SMYD3: variants seen among roughly 807,000 people sequenced by gnomAD.
The protein encoded by SMYD3 is SET and MYND domain containing 3.
Under a neutral mutation model 57.7 loss-of-function variants are expected in SMYD3, and 36 were observed. The observed-to-expected ratio is 0.62, with a 90% CI of 0.48 to 0.82. The LOEUF (loss-of-function observed/expected upper bound fraction) is 0.82. Among genes scored for constraint, SMYD3 ranks in the 40% least tolerant of loss-of-function variants. The pLI is 0.00. For synonymous variants in SMYD3, 211 were observed against 195.0 expected, an observed-to-expected ratio of 1.08 and a Z score of -0.68; for missense variants, 515 against 538.8, an observed-to-expected ratio of 0.96 and a Z score of 0.44.
At chr1:245,999,242 A>T (rs953651060) in intron 5 of SMYD3, among the ~76,000 whole-genome samples, 4 of 152,164 alleles carry the variant, frequency 2.6e-5, no homozygotes, top group African/African-American at 9.7e-5. Flanking sequence ...AAAAAATAAG[A>T]GCTTAAGAAA....
chr1:246,465,832 G>A (rs2067873888), intron 1 of SMYD3, among the ~76,000 whole-genome samples: 4 of 152,162 alleles, frequency 2.6e-5, no homozygotes, highest in Admixed American at 2.6e-4. Context: ...GAGTGCAGTG[G>A]CACAATCTCA....
intron 10 of SMYD3, among the ~76,000 whole-genome samples, chr1:245,817,495 C>T (rs1268838427): frequency 6.6e-6 from 1 of 152,042 alleles, no homozygotes. Context: ...AGCACCTCTC[C>T]TCCTCCAAAG....
At chr1:246,048,064 T>C (rs2060001664) in intron 5 of SMYD3, among the ~76,000 whole-genome samples, 2 of 152,006 alleles carry the variant, frequency 1.3e-5, no homozygotes, top group African/African-American at 2.4e-5. Flanking sequence ...AGAACACCTA[T>C]AAATCGATAA....
chr1:246,300,485 A>G (rs748382723), intron 5 of SMYD3, among the ~76,000 whole-genome samples: 23 of 152,164 alleles, frequency 1.5e-4, no homozygotes, highest in African/African-American at 3.6e-4. Context: ...GCGGCCAGCA[A>G]TGTTTAAAGT....
At chr1:245,799,040 C>A (rs571705754) in intron 10 of SMYD3, among the ~76,000 whole-genome samples, 19 of 152,202 alleles carry the variant, frequency 1.2e-4, no homozygotes, top group Admixed American at 5.2e-4. Context: ...ATACTCTTCA[C>A]AGAACAAGCT....
At chr1:246,093,939 T>A (rs2060867526) in intron 5 of SMYD3, among the ~76,000 whole-genome samples, 1 of 152,088 alleles carries the variant, frequency 6.6e-6, no homozygotes, top group African/African-American at 2.4e-5. Flanking sequence ...CCATACAAAT[T>A]CCTGGTTTAC....
intron 1 of SMYD3, among the ~76,000 whole-genome samples, chr1:246,411,552 A>G (rs1165898857): frequency 6.6e-6 from 1 of 152,200 alleles, no homozygotes; most frequent in Non-Finnish European, 1.5e-5. Context: ...ACTATTCACA[A>G]TAGCAAAGAC....
chr1:246,125,105 C>CACACACAT (rs2061491272), intron 5 of SMYD3, among the ~76,000 whole-genome samples: 1 of 149,630 alleles, frequency 6.7e-6, no homozygotes, highest in East Asian at 1.9e-4. Context: ...CACACACACA[C>CACACACAT]ATCTGGAATT....
intron 5 of SMYD3, among the ~76,000 whole-genome samples, chr1:246,268,218 G>A (rs2064148765): frequency 6.6e-6 from 1 of 152,158 alleles, no homozygotes; most frequent in African/African-American, 2.4e-5. Context: ...GATAAAACAG[G>A]TTGTAAAGAA....
At chr1:245,890,752 C>T (rs1052682339) in intron 8 of SMYD3, among the ~76,000 whole-genome samples, 5 of 152,184 alleles carry the variant, frequency 3.3e-5, no homozygotes, top group African/African-American at 4.8e-5. Flanking sequence ...ATCAGTATAT[C>T]GAAGAGGTAT....
intron 5 of SMYD3, among the ~76,000 whole-genome samples, chr1:245,988,714 C>T (rs2058752725): frequency 6.6e-6 from 1 of 152,210 alleles, no homozygotes; most frequent in Non-Finnish European, 1.5e-5. Context: ...AGGCAGGGAC[C>T]AGAGCCCAGG....
chr1:246,498,592 G>A (rs896207532), intron 1 of SMYD3, among the ~76,000 whole-genome samples: 10 of 151,978 alleles, frequency 6.6e-5, no homozygotes, highest in East Asian at 1.9e-4. Context: ...TTAGCCAGGC[G>A]TGATGGCGGG....
At chr1:246,409,614 C>T (rs1174551709) in intron 1 of SMYD3, among the ~76,000 whole-genome samples, 1 of 152,170 alleles carries the variant, frequency 6.6e-6, no homozygotes, top group Non-Finnish European at 1.5e-5. Flanking sequence ...TAGCCTGATG[C>T]CTCCAGCTTT....
At chr1:246,218,732 T>G (rs2063206361) in intron 5 of SMYD3, among the ~76,000 whole-genome samples, 1 of 152,086 alleles carries the variant, frequency 6.6e-6, no homozygotes, top group Admixed American at 6.5e-5. Flanking sequence ...TTTGTGTGTG[T>G]TCAATAAAAA....
intron 1 of SMYD3, among the ~76,000 whole-genome samples, chr1:246,458,764 C>T (rs944054220): frequency 4.0e-5 from 6 of 151,830 alleles, no homozygotes; most frequent in African/African-American, 1.5e-4. Flanking sequence ...CCGCGCCCGG[C>T]CGGAAAAGTC....
At chr1:246,303,075 T>C (rs1019129875) in intron 5 of SMYD3, among the ~76,000 whole-genome samples, 7 of 152,110 alleles carry the variant, frequency 4.6e-5, no homozygotes, top group Non-Finnish European at 8.8e-5. Context: ...AACACAACAA[T>C]AGCTGAAGAG....
intron 5 of SMYD3, among the ~76,000 whole-genome samples, chr1:245,998,931 G>A (rs1171462489): frequency 6.6e-6 from 1 of 152,106 alleles, no homozygotes; most frequent in Non-Finnish European, 1.5e-5. Flanking sequence ...ACTTACGAGA[G>A]GTTCTGAGAG....
rs114696349 is a variant in SMYD3, at chr1:245,965,644, A to G, written c.532-35707T>C. Among the ~76,000 whole-genome samples, 844 of 152,320 alleles carry G rather than the reference A, an allele frequency of 5.5e-3. 9 individuals are homozygous for G. Among genetic ancestry groups the G allele is most frequent in the African/African-American group, 0.019 (794 of 41,564 alleles). On this transcript the variant is annotated intron_variant, in intron 5 of 11. Coordinates refer to ENST00000490107, the MANE Select transcript of SMYD3 (RefSeq NM_001167740.2). ...AAGAAGCCAATCTGAAACACTTTAT[A>G]CGGTATGATTTCAACTGTATGACAT...
chr1:246,287,235 A>G (rs1030959603), intron 5 of SMYD3, among the ~76,000 whole-genome samples: 1 of 152,206 alleles, frequency 6.6e-6, no homozygotes, highest in Non-Finnish European at 1.5e-5. Flanking sequence ...TGATCAGAAA[A>G]CATTAGTGAA....
Sources: allele counts gnomAD v4.1 joint callset (sites outside exome capture counted in the v4.1 genomes callset), GRCh38; gene constraint gnomAD v4.1.1; transcripts MANE v1.5; gene names NCBI Gene and HGNC (gene_info 2026-07-23, HGNC 2026-07-21).